LPIN2: variants seen among roughly 807,000 people sequenced by gnomAD.
LPIN2 encodes phosphatidate phosphatase LPIN2.
In LPIN2, 55 loss-of-function variants were observed where a neutral mutation model predicts 111.4. That is an observed-to-expected ratio of 0.49 (90% CI 0.40 to 0.62). LPIN2 has a LOEUF of 0.62. Among genes scored for constraint, LPIN2 ranks in the 20% least tolerant of loss-of-function variants. LPIN2 has a pLI of 0.00. For synonymous variants in LPIN2, 425 were observed against 414.0 expected, an observed-to-expected ratio of 1.03 and a Z score of -0.32; for missense variants, 992 against 1,112.1, an observed-to-expected ratio of 0.89 and a Z score of 1.54.
chr18:2,918,475 T>C lies in LPIN2; in HGVS notation c.*1818A>G, dbSNP rs567033928. ...CTATGAAATAAGGTGGCTGCATGGC[T>C]GCTGTACTAGAATTCACAAACTGGG... On this transcript the variant is annotated 3_prime_UTR_variant, in exon 20 of 20. Transcript: ENST00000677752. 1.2e-4 allele frequency: 19 copies of C among 152,360 alleles called. No homozygotes were observed. The highest frequency in any genetic ancestry group is 4.3e-4 in the African/African-American group (18 of 41,582). The allele number at this position is 152,360 out of a possible 1,614,324, so 9.4% of individuals were successfully genotyped here. A position where few individuals can be genotyped will look rare whatever the true frequency, so the allele number is the denominator to read the frequency against.
At position 3,004,399 on chromosome 18, in the gene LPIN2, CTCTG is replaced by C. The variant is rs777802573; in HGVS notation, c.-10+8684_-10+8687del. On this transcript the variant is annotated intron_variant, in intron 1 of 19. Transcript: ENST00000677752. ...CAGCTGTGAAATTCCTCTCTTTGTA[CTCTG>C]TCTATTTCTCAGACCGGCCAACACT... 1.8e-4 allele frequency among the ~76,000 whole-genome samples: 27 copies of C among 152,292 alleles called. No homozygotes were observed. In the East Asian group the frequency reaches 2.1e-3, roughly 12 times the overall value.
At position 2,940,622 on chromosome 18, in the gene LPIN2, A is replaced by G. The variant is rs539260770; in HGVS notation, c.681T>C (p.Asp227=). 4 of 1,610,056 alleles carry G rather than the reference A, an allele frequency of 2.5e-6. No individual in the cohort carries two copies. Among genetic ancestry groups the G allele is most frequent in the African/African-American group, 2.7e-5 (2 of 74,972 alleles). ...SGDHYPLSDG[D]WSPLETTYPQ... is the part of the protein sequence containing the mutation. ...ATACTTACGTCTCTAAAGGGGACCA[A>G]TCTCCATCAGATAAGGGGTAATGAT... is the stretch of plus-strand genomic sequence containing the variant. Residue 227 remains aspartate, a synonymous_variant, in exon 5 of 20, where the codon GAT becomes GAC. Coordinates refer to ENST00000677752, the MANE Select transcript of LPIN2 (RefSeq NM_001375808.2).
intron 1 of LPIN2, among the ~76,000 whole-genome samples, chr18:2,988,060 G>A (rs2078213320): frequency 6.9e-6 from 1 of 144,936 alleles, no homozygotes; most frequent in African/African-American, 2.6e-5. Context: ...AGTGCTGCCA[G>A]CAGGCCAGAT....
chr18:3,000,116 A>AG lies in LPIN2; in HGVS notation c.-10+12970dup, dbSNP rs1465536160. ...GAGGGGAAAGAGGGGAAGGAGGGGA[A>AG]GAAGGAGGAGGAGGAGGAGGAGGAG... On this transcript the variant is annotated intron_variant, in intron 1 of 19. Transcript: ENST00000677752. Among the ~76,000 whole-genome samples the AG allele has an allele frequency of 5.0e-4, 46 of 92,514 alleles. No individual in the cohort carries two copies. In the East Asian group the frequency reaches 8.5e-3, roughly 17 times the overall value. The allele number at this position is 92,514 out of a possible 152,430, so 60.7% of individuals were successfully genotyped here.
At chr18:2,922,373 C>G (rs1223343383) in intron 16 of LPIN2, among the ~76,000 whole-genome samples, 174 bp from the exon 17 acceptor site, 1 of 151,804 alleles carries the variant, frequency 6.6e-6, no homozygotes, top group Admixed American at 6.5e-5. Flanking sequence ...CTCCTGGATT[C>G]AAGCAATTCT....
At chr18:2,935,233 G>C (rs2077270125) in intron 7 of LPIN2, among the ~76,000 whole-genome samples, 1 of 152,178 alleles carries the variant, frequency 6.6e-6, no homozygotes, top group Non-Finnish European at 1.5e-5. Context: ...TATTGGCTTA[G>C]ATGAAATATA....
intron 1 of LPIN2, among the ~76,000 whole-genome samples, chr18:2,989,190 A>G (rs1349577530): frequency 6.6e-6 from 1 of 152,204 alleles, no homozygotes; most frequent in Non-Finnish European, 1.5e-5. Context: ...ATCCAAGGAC[A>G]AACCAGCTAG....
chr18:2,971,980 G>T (rs1172203521), intron 1 of LPIN2, among the ~76,000 whole-genome samples: 1 of 152,122 alleles, frequency 6.6e-6, no homozygotes, highest in Non-Finnish European at 1.5e-5. Flanking sequence ...CCAGGAGGTG[G>T]AGGTTGCAGT....
intron 1 of LPIN2, among the ~76,000 whole-genome samples, chr18:2,979,921 A>G (rs557943310): frequency 6.6e-6 from 1 of 152,282 alleles, no homozygotes; most frequent in Non-Finnish European, 1.5e-5. Flanking sequence ...AGCCTACCAA[A>G]GCACACCTGT....
intron 1 of LPIN2, among the ~76,000 whole-genome samples, chr18:2,964,298 A>G (rs1003134350): frequency 6.6e-6 from 1 of 151,154 alleles, no homozygotes; most frequent in Non-Finnish European, 1.5e-5. Context: ...AAAAAAAAAA[A>G]AAAAAAAGAA....
chr18:3,007,002 T>TAA (rs577110033), intron 1 of LPIN2, among the ~76,000 whole-genome samples: 1,730 of 142,828 alleles, frequency 0.012, 17 homozygotes, highest in African/African-American at 0.03. Context: ...CTTGTCTCTT[T>TAA]AAAAAAAAAA....
intron 1 of LPIN2, among the ~76,000 whole-genome samples, chr18:3,007,594 A>T (rs1598618023): frequency 1.3e-5 from 2 of 152,362 alleles, no homozygotes; most frequent in Admixed American, 1.3e-4. Flanking sequence ...CAAACAAAAG[A>T]TATATTATAT....
At chr18:2,933,489 A>G (rs74887003) in intron 8 of LPIN2, among the ~76,000 whole-genome samples, 100 of 152,356 alleles carry the variant, frequency 6.6e-4, no homozygotes, top group Non-Finnish European at 1.2e-3. Context: ...AATGAAGTAG[A>G]TATGTTGAGA....
intron 2 of LPIN2, among the ~76,000 whole-genome samples, chr18:2,958,149 A>AAAAAAAC (rs2077644482): frequency 8.3e-6 from 1 of 121,012 alleles, no homozygotes; most frequent in Non-Finnish European, 1.8e-5. Context: ...CTCAAAAAAA[A>AAAAAAAC]AAAAAAAACA....
At chr18:3,001,573 C>T (rs1041292954) in intron 1 of LPIN2, among the ~76,000 whole-genome samples, 2 of 151,800 alleles carry the variant, frequency 1.3e-5, no homozygotes, top group Non-Finnish European at 2.9e-5. Flanking sequence ...AGAGATGAAC[C>T]TTCATCTTGC....
At chr18:2,938,725 T>A (rs1249380496) in intron 6 of LPIN2, among the ~76,000 whole-genome samples, 2 of 152,210 alleles carry the variant, frequency 1.3e-5, no homozygotes, top group Admixed American at 6.5e-5. Flanking sequence ...ATCACAAATA[T>A]ATGCAAAATG....
At position 2,934,197 on chromosome 18, in the gene LPIN2, G is replaced by A. The variant is rs116250233; in HGVS notation, c.1268+154C>T. ...AAGTCACTATATTGAAATAAGACAC[G>A]CGCTATTTCTAAATTTTCCAAAACC... is the stretch of plus-strand genomic sequence containing the variant. On this transcript the variant is annotated intron_variant, in intron 8 of 19. Coordinates refer to ENST00000677752, the MANE Select transcript of LPIN2 (RefSeq NM_001375808.2). 8.0e-3 allele frequency among the ~76,000 whole-genome samples: 1,218 copies of A among 152,150 alleles called. 23 individuals are homozygous for A. Among genetic ancestry groups the A allele is most frequent in the African/African-American group, 0.028 (1,156 of 41,484 alleles).
intron 1 of LPIN2, among the ~76,000 whole-genome samples, chr18:2,983,657 G>A (rs1186967438): frequency 1.3e-5 from 2 of 151,978 alleles, no homozygotes; most frequent in Non-Finnish European, 2.9e-5. Flanking sequence ...TGCTCCAAGT[G>A]TAAAATACAC....
chr18:2,960,514 T>TAA (rs376940122), intron 2 of LPIN2, 135 bp downstream of exon 2: 100 of 738,624 alleles, frequency 1.4e-4, no homozygotes, highest in East Asian at 4.3e-4. Context: ...TCATTCAGGT[T>TAA]AAAAAAAAAA....
Sources: gnomAD v4.1 joint callset for allele counts (sites outside exome capture counted in the v4.1 genomes callset) on GRCh38, gnomAD v4.1.1 for gene constraint, MANE v1.5 for transcripts, NCBI Gene and HGNC (gene_info 2026-07-23, HGNC 2026-07-21) for gene names.